Variants in DDAH1 observed in about 807,000 individuals in gnomAD.
The protein encoded by DDAH1 is N(G),N(G)-dimethylarginine dimethylaminohydrolase 1.
Under a neutral mutation model 28.8 loss-of-function variants are expected in DDAH1, and 19 were observed. The ratio of observed to expected loss-of-function variants is 0.66; its 90% confidence interval spans 0.46 to 0.97. The LOEUF is 0.97. DDAH1 is among the 50% of genes least tolerant of loss of function. The pLI, the probability that DDAH1 is intolerant of heterozygous loss-of-function variation, is 0.00. For missense variants in DDAH1, 326 were observed against 375.9 expected (o/e 0.87, Z 1.10); for synonymous variants, 153 against 154.4 (o/e 0.99, Z 0.07).
At chr1:85,347,317 G>A (rs1308880897) in intron 4 of DDAH1, among the ~76,000 whole-genome samples, 3 of 151,278 alleles carry the variant, frequency 2.0e-5, no homozygotes, top group Non-Finnish European at 2.9e-5. Flanking sequence ...ACATGCACAC[G>A]TATGTTTACT....
Position 85,465,125 on chromosome 1 carries a change from G to A in DDAH1, c.-80C>T. ...CGGGCAGCGCGCGCTGAGCCTGCGA[G>A]CGCCCGTCGGCTCCTCTTGGCAGCC... On this transcript the variant is annotated 5_prime_UTR_variant, in exon 1 of 6. Transcript: ENST00000284031. The A allele has an allele frequency of 8.5e-7, 1 of 1,173,496 alleles. No individual in the cohort carries two copies. The highest frequency in any genetic ancestry group is 1.1e-6 in the Non-Finnish European group (1 of 951,372). The allele number at this position is 1,173,496 out of a possible 1,614,324, so 72.7% of individuals were successfully genotyped here.
chr1:85,504,258 T>C (rs1656928428), intron 1 of DDAH1, among the ~76,000 whole-genome samples: 1 of 152,216 alleles, frequency 6.6e-6, no homozygotes, highest in Admixed American at 6.5e-5. Flanking sequence ...ATACTGGATC[T>C]ACTGTATAAC....
chr1:85,444,243 G>T (rs191563275), intron 1 of DDAH1, among the ~76,000 whole-genome samples: 1 of 152,064 alleles, frequency 6.6e-6, no homozygotes, highest in Admixed American at 6.6e-5. Flanking sequence ...GAATTTTGTC[G>T]AAGGTCTTTT....
intron 3 of DDAH1, among the ~76,000 whole-genome samples, chr1:85,351,202 AT>A (rs916431053): frequency 4.6e-5 from 7 of 151,032 alleles, no homozygotes; most frequent in Middle Eastern, 3.4e-3. Flanking sequence ...GGCCTTCCAG[AT>A]TTTTTTTTAA....
chr1:85,402,908 C>CA (rs11358089), intron 1 of DDAH1, among the ~76,000 whole-genome samples: 14 of 113,490 alleles, frequency 1.2e-4, no homozygotes, highest in Admixed American at 2.7e-4. Flanking sequence ...GACTCCATCT[C>CA]AAAAAAAAAA....
intron 1 of DDAH1, among the ~76,000 whole-genome samples, chr1:85,387,935 A>C (rs907189494): frequency 6.6e-6 from 1 of 152,138 alleles, no homozygotes. Context: ...TGCAGACATC[A>C]CATGGTGAGA....
intron 1 of DDAH1, among the ~76,000 whole-genome samples, chr1:85,423,104 GCTCT>G (rs1002444650): frequency 2.0e-5 from 3 of 152,062 alleles, no homozygotes; most frequent in African/African-American, 7.3e-5. Flanking sequence ...CTATTTCTGG[GCTCT>G]CTATTCTGTT....
At chr1:85,361,981 TAC>T (rs1649818951) in intron 1 of DDAH1, among the ~76,000 whole-genome samples, 1 of 152,246 alleles carries the variant, frequency 6.6e-6, no homozygotes. Context: ...AGCTTGTGTA[TAC>T]ACAGTGACAG....
chr1:85,549,625 T>C (rs1658726801), intron 1 of DDAH1, among the ~76,000 whole-genome samples: 1 of 152,244 alleles, frequency 6.6e-6, no homozygotes, highest in Non-Finnish European at 1.5e-5. Context: ...CAAATATTTA[T>C]GTTCTTTGTG....
intron 1 of DDAH1, chr1:85,435,315 A>G (rs1466636944): frequency 6.6e-6 from 1 of 152,188 alleles, no homozygotes; most frequent in African/African-American, 2.4e-5. Context: ...ATTCTATTTG[A>G]TTGCCTTGAG....
At chr1:85,347,364 C>A (rs1260949990) in intron 4 of DDAH1, among the ~76,000 whole-genome samples, 2 of 152,188 alleles carry the variant, frequency 1.3e-5, no homozygotes, top group Non-Finnish European at 1.5e-5. Context: ...TTGGAACCAA[C>A]CCAAATGTCC....
chr1:85,390,633 T>G (rs1651501008), intron 1 of DDAH1, among the ~76,000 whole-genome samples: 1 of 152,182 alleles, frequency 6.6e-6, no homozygotes, highest in Admixed American at 6.5e-5. Context: ...CAGTGCCAGC[T>G]TCTTAGACGG....
chr1:85,327,962 GC>G (rs1557463564), intron 4 of DDAH1, among the ~76,000 whole-genome samples: 2 of 152,220 alleles, frequency 1.3e-5, no homozygotes, highest in South Asian at 4.1e-4. Context: ...CTTTTTAAAC[GC>G]TACAGAGAAC....
intron 1 of DDAH1, among the ~76,000 whole-genome samples, chr1:85,507,567 T>C (rs1454280409): frequency 6.9e-6 from 1 of 145,668 alleles, no homozygotes; most frequent in Non-Finnish European, 1.5e-5. Flanking sequence ...AGAATTTTCT[T>C]ATACATAATT....
intron 1 of DDAH1, among the ~76,000 whole-genome samples, chr1:85,498,410 A>G (rs1378467165): frequency 6.6e-6 from 1 of 152,220 alleles, no homozygotes; most frequent in Non-Finnish European, 1.5e-5. Flanking sequence ...CTTATCGTGG[A>G]GCTGTTAACT....
At chr1:85,399,001 C>A (rs959761990) in intron 1 of DDAH1, 3 of 152,066 alleles carry the variant, frequency 2.0e-5, no homozygotes, top group Non-Finnish European at 4.4e-5. Context: ...TTAATTTAAC[C>A]CATTCCTGGA....
intron 2 of DDAH1, among the ~76,000 whole-genome samples, chr1:85,489,542 G>C (rs1037147226): frequency 1.3e-5 from 2 of 152,102 alleles, no homozygotes; most frequent in Non-Finnish European, 2.9e-5. Flanking sequence ...TTATCAGCAG[G>C]CAATTAACAG....
chr1:85,432,586 A>G (rs535988091), intron 1 of DDAH1, among the ~76,000 whole-genome samples: 1 of 152,310 alleles, frequency 6.6e-6, no homozygotes, highest in South Asian at 2.1e-4. Flanking sequence ...TAATGGCACA[A>G]TTGAATTGTA....
chr1:85,484,149 G>A (rs1363118555), intron 2 of DDAH1, among the ~76,000 whole-genome samples: 1 of 151,700 alleles, frequency 6.6e-6, no homozygotes, highest in African/African-American at 2.4e-5. Flanking sequence ...ATCTCTCTTG[G>A]AAGAATACTG....
Sources: gnomAD v4.1 joint callset for allele counts (sites outside exome capture counted in the v4.1 genomes callset) on GRCh38, gnomAD v4.1.1 for gene constraint, MANE v1.5 for transcripts, NCBI Gene and HGNC (gene_info 2026-07-23, HGNC 2026-07-21) for gene names.